Variants in MAGI2 observed in about 807,000 individuals in gnomAD.
MAGI2 encodes the protein membrane-associated guanylate kinase, WW and PDZ domain-containing protein 2.
MAGI2 carries 35 observed loss-of-function variants against 133.3 expected under a neutral mutation model. That is an observed-to-expected ratio of 0.26 (90% confidence interval 0.20 to 0.35). The LOEUF (loss-of-function observed/expected upper bound fraction) is 0.35, where lower values mean the gene tolerates loss of function less well. Ranked by LOEUF, MAGI2 falls within the 10% of genes least tolerant of loss-of-function variation. MAGI2 has a pLI of 1.00. For synonymous variants in MAGI2, 729 were observed against 710.6 expected (o/e 1.03, Z -0.41); for missense variants, 1,636 against 1,863.4 (o/e 0.88, Z 2.25).
At chr7:79,330,972 C>G (rs1313259998) in intron 1 of MAGI2, among the ~76,000 whole-genome samples, 1 of 152,104 alleles carries the variant, frequency 6.6e-6, no homozygotes, top group Non-Finnish European at 1.5e-5. Flanking sequence ...GGGGTGAATA[C>G]AACTGGGACA....
intron 1 of MAGI2, among the ~76,000 whole-genome samples, chr7:79,133,874 A>G (rs1821151507): frequency 1.3e-5 from 2 of 152,176 alleles, no homozygotes; most frequent in African/African-American, 4.8e-5. Context: ...CTAGTACTCC[A>G]GGGGTACCAC....
chr7:79,102,994 G>C (rs1818121287), intron 1 of MAGI2, among the ~76,000 whole-genome samples: 1 of 152,186 alleles, frequency 6.6e-6, no homozygotes, highest in Non-Finnish European at 1.5e-5. Flanking sequence ...AGCAGTTTCA[G>C]TCCACGCCTG....
At chr7:78,452,433 C>T (rs1041699061) in intron 6 of MAGI2, among the ~76,000 whole-genome samples, 1 of 151,876 alleles carries the variant, frequency 6.6e-6, no homozygotes, top group Non-Finnish European at 1.5e-5. Context: ...TAAAATTATG[C>T]TTATGATTAT....
chr7:78,480,634 CTTATGA>C (rs1408164191), intron 6 of MAGI2, among the ~76,000 whole-genome samples: 1 of 151,830 alleles, frequency 6.6e-6, no homozygotes, highest in Non-Finnish European at 1.5e-5. Context: ...TAAGAAATAT[CTTATGA>C]TTATATCAGT....
At chr7:78,304,556 G>T (rs1190250572) in intron 9 of MAGI2, among the ~76,000 whole-genome samples, 1 of 152,100 alleles carries the variant, frequency 6.6e-6, no homozygotes, top group African/African-American at 2.4e-5. Flanking sequence ...AATATTTCTT[G>T]AATGTTCTAG....
chr7:78,452,490 T>A (rs997226903), intron 6 of MAGI2, among the ~76,000 whole-genome samples: 1 of 152,002 alleles, frequency 6.6e-6, no homozygotes. Context: ...TATGTGCTAA[T>A]AGTTTTGAAA....
chr7:79,242,786 G>A (rs1272316977), intron 1 of MAGI2, among the ~76,000 whole-genome samples: 1 of 152,066 alleles, frequency 6.6e-6, no homozygotes, highest in East Asian at 1.9e-4. Context: ...CTAATTATTT[G>A]CATTTTTCAA....
At chr7:78,107,118 T>G (rs1437350801) in intron 20 of MAGI2, among the ~76,000 whole-genome samples, 1 of 152,190 alleles carries the variant, frequency 6.6e-6, no homozygotes, top group Non-Finnish European at 1.5e-5. Context: ...GACTGTCCTT[T>G]CCCCAATGTA....
At chr7:78,785,535 G>T (rs539527202) in intron 2 of MAGI2, among the ~76,000 whole-genome samples, 1 of 152,110 alleles carries the variant, frequency 6.6e-6, no homozygotes, top group Non-Finnish European at 1.5e-5. Flanking sequence ...GGGGATATGT[G>T]TAACATTTTT....
chr7:78,850,555 A>C (rs1363427991), intron 2 of MAGI2, among the ~76,000 whole-genome samples: 1 of 152,086 alleles, frequency 6.6e-6, no homozygotes, highest in African/African-American at 2.4e-5. Context: ...ACACGTTCCC[A>C]GTATAAATTC....
intron 2 of MAGI2, among the ~76,000 whole-genome samples, chr7:78,840,775 C>G (rs1046746438): frequency 4.0e-5 from 6 of 151,694 alleles, no homozygotes; most frequent in Admixed American, 6.6e-5. Context: ...GTTTAAATCT[C>G]AGCTTTAACA....
At chr7:78,176,323 C>T (rs1563218701) in intron 14 of MAGI2, among the ~76,000 whole-genome samples, 1 of 152,178 alleles carries the variant, frequency 6.6e-6, no homozygotes, top group Non-Finnish European at 1.5e-5. Context: ...TCTTTGGCAG[C>T]TGGGAAGTTA....
chr7:78,425,340 A>T (rs1156740250), intron 6 of MAGI2, among the ~76,000 whole-genome samples: 1 of 152,194 alleles, frequency 6.6e-6, no homozygotes. Flanking sequence ...CTGTAAGTCC[A>T]ATTAAACCTC....
At chr7:78,365,875 G>A (rs572246440) in intron 7 of MAGI2, among the ~76,000 whole-genome samples, 138 of 152,312 alleles carry the variant, frequency 9.1e-4, no homozygotes, top group Non-Finnish European at 7.1e-4. Flanking sequence ...AGGAAAATGT[G>A]TGTTTATGCA....
intron 6 of MAGI2, among the ~76,000 whole-genome samples, chr7:78,488,478 G>T (rs1204540549): frequency 1.3e-5 from 2 of 151,874 alleles, no homozygotes; most frequent in Non-Finnish European, 2.9e-5. Context: ...TACAACTGTG[G>T]CATAAGTAAA....
At chr7:78,650,947 A>G (rs553734872) in intron 2 of MAGI2, among the ~76,000 whole-genome samples, 2 of 152,168 alleles carry the variant, frequency 1.3e-5, no homozygotes, top group African/African-American at 2.4e-5. Context: ...CTCAAAAACT[A>G]TCAAGAAACA....
chr7:78,060,054 G>T (rs2151132583), intron 21 of MAGI2, among the ~76,000 whole-genome samples: 1 of 152,240 alleles, frequency 6.6e-6, no homozygotes, highest in East Asian at 1.9e-4. Context: ...ACTACAGTTT[G>T]TGCTGCCAAC....
At chr7:78,209,221 CAAAAAAAA>C (rs370809243) in intron 10 of MAGI2, among the ~76,000 whole-genome samples, 1 of 10,626 alleles carries the variant, frequency 9.4e-5, no homozygotes, top group Non-Finnish European at 1.6e-4. Context: ...GACTCTGTCT[CAAAAAAAA>C]AAAAAAAAAA....
chr7:78,499,561 A>G (rs1048179573), intron 5 of MAGI2, among the ~76,000 whole-genome samples: 4 of 152,248 alleles, frequency 2.6e-5, no homozygotes, highest in East Asian at 3.8e-4. Flanking sequence ...TACCTGGAAC[A>G]TAAGTTCTGT....
Sources: gnomAD v4.1 joint callset for allele counts (sites outside exome capture counted in the v4.1 genomes callset) on GRCh38, gnomAD v4.1.1 for gene constraint, MANE v1.5 for transcripts, NCBI Gene and HGNC (gene_info 2026-07-23, HGNC 2026-07-21) for gene names.